Variants in COG4 observed in about 807,000 individuals in gnomAD.
The protein encoded by COG4 is component of oligomeric golgi complex 4.
Under a neutral mutation model 95.1 loss-of-function variants are expected in COG4, and 65 were observed. That is an observed-to-expected ratio of 0.68 (90% confidence interval 0.56 to 0.84). COG4 has a LOEUF of 0.84. Among genes scored for constraint, COG4 ranks in the 40% least tolerant of loss-of-function variants. COG4 has a pLI of 0.00. For synonymous variants in COG4, 421 were observed against 374.8 expected (o/e 1.12, Z -1.42); for missense variants, 1,045 against 989.1 (o/e 1.06, Z -0.76).
intron 4 of COG4, 139 bp downstream of exon 4, chr16:70,514,196 G>A (rs2049773910): frequency 3.5e-6 from 3 of 862,942 alleles, no homozygotes; most frequent in African/African-American, 1.7e-5. Context: ...ACAAGAGCAA[G>A]ACTCCGTCTC....
chr16:70,514,738 G>C (rs2049788073), intron 3 of COG4, among the ~76,000 whole-genome samples: 1 of 151,938 alleles, frequency 6.6e-6, no homozygotes, highest in Non-Finnish European at 1.5e-5. Context: ...TTTTTAGACA[G>C]AGTCTCACTC....
chr16:70,486,718 C>G (rs556071968), intron 13 of COG4, among the ~76,000 whole-genome samples: 4 of 152,228 alleles, frequency 2.6e-5, no homozygotes, highest in African/African-American at 7.2e-5. Context: ...TGATGTCGGC[C>G]GGGCGCCGTG....
At position 70,508,397 on chromosome 16, in the gene COG4, G is replaced by C. The variant is rs1307025476; in HGVS notation, c.1061+9C>G. 4 of 1,609,990 alleles carry C rather than the reference G, an allele frequency of 2.5e-6. No homozygotes were observed. The highest frequency in any genetic ancestry group is 1.3e-5 in the African/African-American group (1 of 74,820). On this transcript the variant is annotated intron_variant, in intron 8 of 18. Transcript: ENST00000323786. ...TCCTGTGGGCTGAAGAAGAGAGAAGGATTATTACCTTGGTTCGATTTTTTC... is the reference window on the plus strand; with the variant it reads ...TCCTGTGGGCTGAAGAAGAGAGAAGCATTATTACCTTGGTTCGATTTTTTC...
At chr16:70,489,530 A>T (rs1331681514) in intron 13 of COG4, among the ~76,000 whole-genome samples, 10 of 115,680 alleles carry the variant, frequency 8.6e-5, no homozygotes, top group East Asian at 6.1e-4. Context: ...ATCCTGATTT[A>T]AAAAAAAAAA....
rs970096040 is a variant in COG4 at position 70,496,946 on chromosome 16, T to C, written c.1481+275A>G. On this transcript the variant is annotated intron_variant, in intron 11 of 18. Coordinates refer to ENST00000323786, the MANE Select transcript of COG4 (RefSeq NM_015386.3). ...GCTGGGCCTGTAGCAATGGTACCTA[T>C]TGGTGGTATTATTCATCTGAACTGC... Among the ~76,000 whole-genome samples, 13 of 152,230 alleles carry C rather than the reference T, an allele frequency of 8.5e-5. 1 individual carries two copies. The highest frequency in any genetic ancestry group is 1.9e-4 in the East Asian group (1 of 5,184).
chr16:70,490,333 C>T lies in COG4; in HGVS notation c.1707G>A (p.Leu569=). ...SENISTLKKT[L]ESDCTKLFSQ... is the part of the protein sequence containing the mutation. Reference sequence around the variant, plus strand: ...TGATAGGCAATTTCCCTCGTACCTCCAGTGTCTTCTTCAGAGTGGAGATGT... The same window carrying T: ...TGATAGGCAATTTCCCTCGTACCTCTAGTGTCTTCTTCAGAGTGGAGATGT... The change falls in exon 13 of 19, where the codon CTG becomes CTA. Residue 569 remains leucine, a synonymous_variant. Coordinates refer to ENST00000323786, the MANE Select transcript of COG4 (RefSeq NM_015386.3). 1 of 1,613,396 alleles carries T rather than the reference C, an allele frequency of 6.2e-7. No homozygotes were observed. The highest frequency in any genetic ancestry group is 8.5e-7 in the Non-Finnish European group (1 of 1,179,398).
chr16:70,481,348 G>A lies in COG4; in HGVS notation c.2235+11C>T, dbSNP rs1458238330. On this transcript the variant is annotated intron_variant, in intron 18 of 18. Transcript: ENST00000323786. ...ACCCCTCCCTGGCTGGGCCAAGGGTGCCCCACCTACCCGCTCCAGATTGAG... is the reference window on the plus strand; with the variant it reads ...ACCCCTCCCTGGCTGGGCCAAGGGTACCCCACCTACCCGCTCCAGATTGAG... 2 of 1,612,084 alleles carry A rather than the reference G, an allele frequency of 1.2e-6. No individual in the cohort carries two copies. Among genetic ancestry groups the A allele is most frequent in the African/African-American group, 1.3e-5 (1 of 75,036 alleles).
At chr16:70,521,509 A>G (rs2049942150) in intron 1 of COG4, among the ~76,000 whole-genome samples, 1 of 151,990 alleles carries the variant, frequency 6.6e-6, no homozygotes, top group Admixed American at 6.6e-5. Context: ...GGCATGAGAC[A>G]CCAAGCCCGG....
rs1412295490 is a variant in COG4, at chr16:70,519,379, G to A, written c.254+270C>T. Among the ~76,000 whole-genome samples, 3 of 142,164 alleles carry A rather than the reference G, an allele frequency of 2.1e-5. 1 individual carries two copies. The highest frequency in any genetic ancestry group is 3.3e-3 in the Middle Eastern group (1 of 306). The allele number at this position is 142,164 out of a possible 152,430, so 93.3% of individuals were successfully genotyped here. A position where few individuals can be genotyped will look rare whatever the true frequency, so the allele number is the denominator to read the frequency against. On this transcript the variant is annotated intron_variant, in intron 2 of 18. Coordinates refer to ENST00000323786, the MANE Select transcript of COG4 (RefSeq NM_015386.3). ...CCTGACCTCATGATCCGCCCGCCTC[G>A]GCCTCCCAAAGTGCTGGGATTACAG... is the stretch of plus-strand genomic sequence containing the variant.
chr16:70,507,104 A>G (rs1415789048), intron 8 of COG4, among the ~76,000 whole-genome samples: 1 of 151,498 alleles, frequency 6.6e-6, no homozygotes, highest in Non-Finnish European at 1.5e-5. Flanking sequence ...TGTGTACACC[A>G]GCTACTGATA....
chr16:70,494,572 C>T (rs761620531), intron 12 of COG4, among the ~76,000 whole-genome samples: 5 of 152,058 alleles, frequency 3.3e-5, no homozygotes, highest in Non-Finnish European at 5.9e-5. Context: ...CCTCACAGAG[C>T]GAATATGCAC....
chr16:70,508,808 A>G, intron 7 of COG4: 1 of 555,424 alleles, frequency 1.8e-6, no homozygotes, highest in East Asian at 4.4e-5. Context: ...TGCTCAAAAG[A>G]AGGAAAAAAC....
chr16:70,493,323 C>T (rs925261537), intron 12 of COG4, among the ~76,000 whole-genome samples: 15 of 151,926 alleles, frequency 9.9e-5, no homozygotes, highest in Non-Finnish European at 2.1e-4. Flanking sequence ...TGGAAATATT[C>T]TAACTGCACT....
intron 8 of COG4, among the ~76,000 whole-genome samples, chr16:70,506,544 T>C (rs2049571283): frequency 8.1e-6 from 1 of 123,028 alleles, no homozygotes. Context: ...TGAGTCGATA[T>C]CACACCATGC....
chr16:70,495,091 TC>T (rs1328230499), intron 12 of COG4, among the ~76,000 whole-genome samples: 2 of 151,970 alleles, frequency 1.3e-5, no homozygotes, highest in African/African-American at 4.8e-5. Flanking sequence ...GGGTCACAGA[TC>T]CTTTTAAGAA....
intron 8 of COG4, among the ~76,000 whole-genome samples, chr16:70,504,609 T>TAAAAAAAAAAAAAAAAAA (rs66751123): frequency 5.7e-5 from 7 of 121,970 alleles, no homozygotes; most frequent in African/African-American, 2.5e-4. Flanking sequence ...AGATTCTATT[T>TAAAAAAAAAAAAAAAAAA]AAAAAAAAAA....
chr16:70,495,928 T>C (rs1274949233), intron 12 of COG4, among the ~76,000 whole-genome samples: 1 of 152,156 alleles, frequency 6.6e-6, no homozygotes, highest in Non-Finnish European at 1.5e-5. Flanking sequence ...AGTCTGGTGG[T>C]CTGGCACAGA....
At chr16:70,509,802 C>T in intron 6 of COG4, 114 bp downstream of exon 6, 1 of 786,322 alleles carries the variant, frequency 1.3e-6, no homozygotes, top group South Asian at 1.5e-5. Flanking sequence ...AATTAATACA[C>T]AATAAACTAC....
At chr16:70,500,456 G>GCAA (rs1433846493) in intron 9 of COG4, among the ~76,000 whole-genome samples, 1 of 146,440 alleles carries the variant, frequency 6.8e-6, no homozygotes, top group East Asian at 2.0e-4. Context: ...GCCCCCCAGG[G>GCAA]TTCAAGCAAT....
Sources: gnomAD v4.1 joint callset for allele counts (sites outside exome capture counted in the v4.1 genomes callset) on GRCh38, gnomAD v4.1.1 for gene constraint, MANE v1.5 for transcripts, NCBI Gene and HGNC (gene_info 2026-07-23, HGNC 2026-07-21) for gene names.